Variants in IMMP2L observed in about 807,000 individuals in gnomAD.
The protein encoded by IMMP2L is mitochondrial inner membrane protease subunit 2.
In IMMP2L, 18 loss-of-function variants were observed where a neutral mutation model predicts 19.3. That is an observed-to-expected ratio of 0.93 (90% confidence interval 0.64 to 1.38). The LOEUF is 1.38. IMMP2L is among the 40% of genes most tolerant of loss of function. The pLI, the probability that IMMP2L is intolerant of heterozygous loss-of-function variation, is 0.00. For synonymous variants in IMMP2L, 76 were observed against 73.0 expected (o/e 1.04, Z -0.21); for missense variants, 233 against 218.2 (o/e 1.07, Z -0.43).
At chr7:111,533,371 T>C (rs145852450) in intron 1 of IMMP2L, among the ~76,000 whole-genome samples, 1 of 152,096 alleles carries the variant, frequency 6.6e-6, no homozygotes, top group Non-Finnish European at 1.5e-5. Context: ...GTGGCTAGAG[T>C]TGAAATCTTA....
At chr7:111,063,257 AAAGC>A (rs1243113500) in intron 3 of IMMP2L, among the ~76,000 whole-genome samples, 1 of 152,174 alleles carries the variant, frequency 6.6e-6, no homozygotes, top group African/African-American at 2.4e-5. Flanking sequence ...TGTGCCCTCT[AAAGC>A]CACAGCCCAA....
chr7:111,181,619 TAAAATAC>T (rs1807719021), intron 3 of IMMP2L, among the ~76,000 whole-genome samples: 1 of 152,022 alleles, frequency 6.6e-6, no homozygotes, highest in African/African-American at 2.4e-5. Context: ...TCTCTTGCCC[TAAAATAC>T]AAAAACTTGA....
intron 5 of IMMP2L, among the ~76,000 whole-genome samples, chr7:110,674,956 G>T (rs1246399597): frequency 6.6e-6 from 1 of 152,134 alleles, no homozygotes; most frequent in Non-Finnish European, 1.5e-5. Flanking sequence ...CTTCCACGGA[G>T]TCCCTCCCAG....
At chr7:111,340,645 G>T (rs908777976) in intron 3 of IMMP2L, among the ~76,000 whole-genome samples, 7 of 152,058 alleles carry the variant, frequency 4.6e-5, no homozygotes, top group Admixed American at 1.3e-4. Flanking sequence ...GTACAGGAAA[G>T]TTCAAGCATT....
intron 3 of IMMP2L, among the ~76,000 whole-genome samples, chr7:111,050,072 A>G (rs1381108043): frequency 6.6e-6 from 1 of 152,176 alleles, no homozygotes; most frequent in Non-Finnish European, 1.5e-5. Context: ...AAATTTCAAA[A>G]TTTATTCCAC....
At chr7:111,215,123 G>A (rs758969269) in intron 3 of IMMP2L, among the ~76,000 whole-genome samples, 3 of 152,086 alleles carry the variant, frequency 2.0e-5, no homozygotes, top group Non-Finnish European at 4.4e-5. Flanking sequence ...GGTTAAAAGT[G>A]TCAATGGTTG....
chr7:111,167,835 T>A (rs188021717), intron 3 of IMMP2L, among the ~76,000 whole-genome samples: 1 of 152,082 alleles, frequency 6.6e-6, no homozygotes, highest in African/African-American at 2.4e-5. Context: ...AGTTAACATC[T>A]AAGATTTGGC....
In IMMP2L at chr7:111,442,136, C is replaced by A. The variant is rs1010887063; in HGVS notation, c.239+45102G>T. 1.0e-4 allele frequency among the ~76,000 whole-genome samples: 15 copies of A among 143,340 alleles called. 1 individual carries two copies. The highest frequency in any genetic ancestry group is 3.9e-4 in the African/African-American group (15 of 38,676). 94.0% of individuals were successfully genotyped at this position (143,340 alleles called of 152,430 possible). A position where few individuals can be genotyped will look rare whatever the true frequency, so the allele number is the denominator to read the frequency against. Reference sequence around the variant, plus strand: ...CTGCTGACAGAGCGAGACTCCATCTCAAAAAAAAAAGCTCTGCAGGTAATA... The same window carrying A: ...CTGCTGACAGAGCGAGACTCCATCTAAAAAAAAAAAGCTCTGCAGGTAATA... On this transcript the variant is annotated intron_variant, in intron 3 of 5. Transcript: ENST00000405709.
intron 3 of IMMP2L, among the ~76,000 whole-genome samples, chr7:111,236,265 A>G (rs1460465991): frequency 6.6e-6 from 1 of 152,010 alleles, no homozygotes; most frequent in East Asian, 1.9e-4. Flanking sequence ...GGGGTGCTAC[A>G]TATTCTTGTG....
intron 3 of IMMP2L, among the ~76,000 whole-genome samples, chr7:111,202,721 T>G (rs1810278699): frequency 6.6e-6 from 1 of 152,048 alleles, no homozygotes; most frequent in Non-Finnish European, 1.5e-5. Flanking sequence ...AGAAATGAGA[T>G]AAAGAAATAA....
chr7:111,219,562 G>A (rs1812303418), intron 3 of IMMP2L, among the ~76,000 whole-genome samples: 1 of 151,936 alleles, frequency 6.6e-6, no homozygotes, highest in Non-Finnish European at 1.5e-5. Flanking sequence ...CAAATTAAGT[G>A]AGTCTCTATT....
At chr7:110,796,619 C>T (rs1247874896) in intron 5 of IMMP2L, among the ~76,000 whole-genome samples, 1 of 151,972 alleles carries the variant, frequency 6.6e-6, no homozygotes, top group Non-Finnish European at 1.5e-5. Context: ...ATTTCATAGA[C>T]TACTTTTCTG....
At chr7:110,714,995 C>T (rs937518489) in intron 5 of IMMP2L, among the ~76,000 whole-genome samples, 2 of 151,982 alleles carry the variant, frequency 1.3e-5, no homozygotes, top group African/African-American at 2.4e-5. Context: ...TTTTCAATTT[C>T]GGGAGGTTGT....
intron 4 of IMMP2L, among the ~76,000 whole-genome samples, chr7:110,920,329 G>C (rs183913104): frequency 6.6e-6 from 1 of 152,166 alleles, no homozygotes; most frequent in African/African-American, 2.4e-5. Flanking sequence ...ATGCACCCTA[G>C]GTAGGGACAC....
Position 111,366,149 on chromosome 7 carries a change from G to T in IMMP2L, c.239+121089C>A, listed in dbSNP as rs577766098. Among the ~76,000 whole-genome samples the T allele has an allele frequency of 7.2e-5, 11 of 152,024 alleles. No homozygotes were observed. In the East Asian group the frequency reaches 2.1e-3, roughly 29 times the overall value. ...CATGGATTGCTCATTAATAGCAAGG[G>T]GATAAGTAGTAACTAAAAAATAGAG... is the stretch of plus-strand genomic sequence containing the variant. On this transcript the variant is annotated intron_variant, in intron 3 of 5. Coordinates refer to ENST00000405709, the MANE Select transcript of IMMP2L (RefSeq NM_032549.4).
chr7:110,905,626 G>A (rs986601623), intron 4 of IMMP2L, among the ~76,000 whole-genome samples: 3 of 152,108 alleles, frequency 2.0e-5, no homozygotes, highest in Non-Finnish European at 4.4e-5. Flanking sequence ...CATGTTCAAT[G>A]GCAAAAGATG....
At chr7:110,963,437 A>G in intron 4 of IMMP2L, 63 bp downstream of exon 4, 1 of 1,150,010 alleles carries the variant, frequency 8.7e-7, no homozygotes, top group Non-Finnish European at 1.3e-6. Flanking sequence ...TTTCCCAAGT[A>G]ATGTAGGTAA....
intron 3 of IMMP2L, among the ~76,000 whole-genome samples, chr7:111,449,932 C>T (rs1462772179): frequency 1.4e-5 from 2 of 138,200 alleles, no homozygotes; most frequent in Non-Finnish European, 1.5e-5. Context: ...AAACAGAGAG[C>T]CAAATCATGA....
chr7:110,972,499 G>A (rs1490830479), intron 3 of IMMP2L, among the ~76,000 whole-genome samples: 1 of 151,964 alleles, frequency 6.6e-6, no homozygotes, highest in African/African-American at 2.4e-5. Context: ...CTATAGAGAG[G>A]GGGGAAAGAG....
Sources: allele counts gnomAD v4.1 joint callset (sites outside exome capture counted in the v4.1 genomes callset), GRCh38; gene constraint gnomAD v4.1.1; transcripts MANE v1.5; gene names NCBI Gene and HGNC (gene_info 2026-07-23, HGNC 2026-07-21).